DNM3: variants seen among roughly 807,000 people sequenced by gnomAD.
DNM3 encodes dynamin-3.
DNM3 carries 47 observed loss-of-function variants against 101.6 expected under a neutral mutation model. The observed-to-expected ratio is 0.46, with a 90% CI of 0.37 to 0.59. The LOEUF (loss-of-function observed/expected upper bound fraction) is 0.59. DNM3 is among the 20% of genes least tolerant of loss of function. The probability of loss-of-function intolerance (pLI) is 0.00; values close to 1 mark genes in which losing one functional copy is unlikely to be tolerated. For missense variants in DNM3, 849 were observed against 1,085.7 expected (o/e 0.78, Z 3.06); for synonymous variants, 385 against 387.9 (o/e 0.99, Z 0.09).
intron 14 of DNM3, among the ~76,000 whole-genome samples, chr1:172,207,834 A>T (rs780655369): frequency 6.6e-6 from 1 of 152,074 alleles, no homozygotes; most frequent in Non-Finnish European, 1.5e-5. Flanking sequence ...TCACCTTAAT[A>T]TATTATTTAC....
intron 14 of DNM3, chr1:172,133,416 T>C: frequency 2.0e-6 from 2 of 986,412 alleles, no homozygotes; most frequent in Non-Finnish European, 2.4e-6. Context: ...ATACTCCCGC[T>C]CTGTGTGCTG....
At chr1:171,851,350 G>C (rs1474621863) in intron 1 of DNM3, among the ~76,000 whole-genome samples, 3 of 152,210 alleles carry the variant, frequency 2.0e-5, no homozygotes. Context: ...ATTTATCTAA[G>C]CTGAAACATA....
chr1:171,975,019 G>GA (rs2044270262), intron 2 of DNM3, among the ~76,000 whole-genome samples: 1 of 151,414 alleles, frequency 6.6e-6, no homozygotes, highest in Admixed American at 6.6e-5. Context: ...CCTAGCTAAT[G>GA]AAAAAAAGAT....
intron 15 of DNM3, chr1:172,289,507 A>G (rs895020873): frequency 1.1e-6 from 1 of 908,082 alleles, no homozygotes; most frequent in Non-Finnish European, 1.3e-6. Flanking sequence ...ATTCTGTTTT[A>G]TTGTCTGATT....
chr1:171,887,259 T>G (rs376124459), intron 1 of DNM3, among the ~76,000 whole-genome samples: 2 of 152,184 alleles, frequency 1.3e-5, no homozygotes, highest in South Asian at 4.1e-4. Flanking sequence ...AGTAAGGATA[T>G]TGAGGTGAAA....
intron 13 of DNM3, among the ~76,000 whole-genome samples, chr1:172,121,912 A>T (rs2056346165): frequency 6.6e-6 from 1 of 152,188 alleles, no homozygotes; most frequent in Admixed American, 6.5e-5. Flanking sequence ...TCAGTTCCTT[A>T]TTTAAAACAG....
At chr1:171,871,025 G>GGCTAAAGAGGCAAGATGT (rs1248201422) in intron 1 of DNM3, among the ~76,000 whole-genome samples, 2 of 152,164 alleles carry the variant, frequency 1.3e-5, no homozygotes, top group African/African-American at 4.8e-5. Context: ...TGACTAAAGA[G>GGCTAAAGAGGCAAGATGT]GCTAAAGAGG....
chr1:172,281,591 G>A (rs954236084), intron 15 of DNM3, among the ~76,000 whole-genome samples: 1 of 152,054 alleles, frequency 6.6e-6, no homozygotes, highest in African/African-American at 2.4e-5. Context: ...AGTACTATAA[G>A]TTACTTAATA....
rs763604485 is a variant in DNM3, at chr1:171,841,832, C to T, written c.161+15C>T. The T allele has an allele frequency of 5.6e-6, 9 of 1,601,602 alleles. No individual in the cohort carries two copies. The highest frequency in any genetic ancestry group is 5.1e-6 in the Non-Finnish European group (6 of 1,176,832). Reference sequence around the variant, plus strand: ...TTCGTGGGCAGGTAAGCGCGCAGGGCGCGGAGTAAGGATGCGGCAGTGGGG... The same window carrying T: ...TTCGTGGGCAGGTAAGCGCGCAGGGTGCGGAGTAAGGATGCGGCAGTGGGG... On this transcript the variant is annotated intron_variant, in intron 1 of 20. Coordinates refer to ENST00000627582, the MANE Select transcript of DNM3 (RefSeq NM_015569.5).
At chr1:172,347,260 C>A (rs951003157) in intron 17 of DNM3, among the ~76,000 whole-genome samples, 2 of 151,908 alleles carry the variant, frequency 1.3e-5, no homozygotes, top group Non-Finnish European at 2.9e-5. Context: ...GCCTTAACTC[C>A]CCAAGATAGA....
intron 16 of DNM3, among the ~76,000 whole-genome samples, chr1:172,319,975 A>G (rs985202952): frequency 2.6e-5 from 4 of 151,994 alleles, no homozygotes; most frequent in Non-Finnish European, 5.9e-5. Flanking sequence ...AAGACTTGGA[A>G]CCAAGCCAAA....
At chr1:172,090,886 A>G (rs1442878442) in intron 12 of DNM3, among the ~76,000 whole-genome samples, 2 of 152,210 alleles carry the variant, frequency 1.3e-5, no homozygotes, top group African/African-American at 4.8e-5. Flanking sequence ...TCTATTTTAG[A>G]CCATTTCATT....
chr1:172,250,556 A>G (rs2062128703), intron 14 of DNM3, among the ~76,000 whole-genome samples: 1 of 152,154 alleles, frequency 6.6e-6, no homozygotes, highest in East Asian at 1.9e-4. Flanking sequence ...GCAAGAGACT[A>G]GATAGGAGAC....
intron 8 of DNM3, among the ~76,000 whole-genome samples, chr1:172,043,011 C>T (rs935753298): frequency 2.6e-5 from 4 of 151,964 alleles, no homozygotes; most frequent in Admixed American, 1.3e-4. Context: ...TTTTACAGGC[C>T]CCCTTGAAGA....
intron 1 of DNM3, among the ~76,000 whole-genome samples, chr1:171,879,935 T>C (rs2036119661): frequency 6.6e-6 from 1 of 152,266 alleles, no homozygotes; most frequent in South Asian, 2.1e-4. Context: ...TCAAGTTTTA[T>C]GGAAGTGGCG....
intron 17 of DNM3, among the ~76,000 whole-genome samples, chr1:172,338,464 C>A (rs2066543753): frequency 6.6e-6 from 1 of 152,192 alleles, no homozygotes; most frequent in African/African-American, 2.4e-5. Context: ...GAATCACATC[C>A]TTCCCAAGTC....
intron 14 of DNM3, among the ~76,000 whole-genome samples, chr1:172,190,685 C>T (rs2059684736): frequency 6.6e-6 from 1 of 152,074 alleles, no homozygotes; most frequent in Admixed American, 6.5e-5. Flanking sequence ...CTGTTGTTTC[C>T]TGACTTTTTA....
chr1:171,972,644 G>A (rs1225009785), intron 2 of DNM3, among the ~76,000 whole-genome samples: 1 of 152,146 alleles, frequency 6.6e-6, no homozygotes, highest in Non-Finnish European at 1.5e-5. Context: ...GAGATCGGGA[G>A]GTTGAGTCCA....
At chr1:172,108,945 C>A (rs894647838) in intron 13 of DNM3, among the ~76,000 whole-genome samples, 3 of 152,118 alleles carry the variant, frequency 2.0e-5, no homozygotes, top group African/African-American at 7.2e-5. Flanking sequence ...ATAAAATAAG[C>A]TTGGGAAATA....
Sources: gnomAD v4.1 joint callset for allele counts (sites outside exome capture counted in the v4.1 genomes callset) on GRCh38, gnomAD v4.1.1 for gene constraint, MANE v1.5 for transcripts, NCBI Gene and HGNC (gene_info 2026-07-23, HGNC 2026-07-21) for gene names.